Variants in DYNC2H1 observed in about 807,000 individuals in gnomAD.
DYNC2H1 encodes dynein cytoplasmic 2 heavy chain 1.
DYNC2H1 carries 410 observed loss-of-function variants against 570.0 expected under a neutral mutation model. The observed-to-expected ratio is 0.72, with a 90% CI of 0.66 to 0.78. The LOEUF is 0.78. Ranked by LOEUF, DYNC2H1 falls within the 30% of genes least tolerant of loss-of-function variation. The probability of loss-of-function intolerance (pLI) is 0.00; values close to 1 mark genes in which losing one functional copy is unlikely to be tolerated. For missense variants in DYNC2H1, 4,865 were observed against 5,046.4 expected (o/e 0.96, Z 1.09); for synonymous variants, 1,688 against 1,677.6 (o/e 1.01, Z -0.15).
rs1038900116 is a variant in DYNC2H1 at position 103,465,456 on chromosome 11, G to T, written c.12649-3133G>T. 4.1e-5 allele frequency among the ~76,000 whole-genome samples: 6 copies of T among 146,344 alleles called. No individual in the cohort carries two copies. The highest frequency in any genetic ancestry group is 2.2e-4 in the South Asian group (1 of 4,634). ...CAACCAGTATCCCAAAGTGTGTTTT[G>T]TTTTTTTTTTTAATCTGTGGCACAT... On this transcript the variant is annotated intron_variant, in intron 87 of 88. Coordinates refer to ENST00000375735, the MANE Select transcript of DYNC2H1 (RefSeq NM_001377.3). The surrounding 1 kb of genome is among the most constrained non-coding windows in gnomAD (Gnocchi z 4.9).
At chr11:103,316,074 TTAGTTA>T (rs1467766189) in intron 79 of DYNC2H1, among the ~76,000 whole-genome samples, 3 of 152,128 alleles carry the variant, frequency 2.0e-5, no homozygotes, top group South Asian at 2.1e-4. Context: ...ATTGTAGCTA[TTAGTTA>T]TAGTTATATA....
intron 84 of DYNC2H1, among the ~76,000 whole-genome samples, chr11:103,413,992 T>C (rs1341398011): frequency 6.6e-6 from 1 of 152,180 alleles, no homozygotes; most frequent in African/African-American, 2.4e-5. Flanking sequence ...AAGGACTTTA[T>C]GCCATGCTAA....
intron 84 of DYNC2H1, among the ~76,000 whole-genome samples, chr11:103,423,323 A>C (rs1045516720): frequency 1.3e-5 from 2 of 151,662 alleles, no homozygotes; most frequent in African/African-American, 4.8e-5. Context: ...GATTTTCACC[A>C]ATAGGCTAAG....
chr11:103,360,045 A>G (rs1258255798), intron 83 of DYNC2H1, among the ~76,000 whole-genome samples: 1 of 151,914 alleles, frequency 6.6e-6, no homozygotes, highest in Non-Finnish European at 1.5e-5. Flanking sequence ...CCCCCTAATT[A>G]CCTGATTCCT....
chr11:103,361,832 C>A (rs1371945056), intron 83 of DYNC2H1, among the ~76,000 whole-genome samples: 1 of 152,004 alleles, frequency 6.6e-6, no homozygotes, highest in Non-Finnish European at 1.5e-5. Context: ...CCATAGAAAC[C>A]TTGAGGAATC....
At chr11:103,424,045 T>C (rs180768246) in intron 84 of DYNC2H1, among the ~76,000 whole-genome samples, 45 of 152,084 alleles carry the variant, frequency 3.0e-4, no homozygotes, top group Admixed American at 2.9e-3. Context: ...CACAACATCA[T>C]TGAAAGAAAT....
intron 84 of DYNC2H1, among the ~76,000 whole-genome samples, chr11:103,427,749 C>T (rs1943724778): frequency 6.6e-6 from 1 of 152,102 alleles, no homozygotes; most frequent in South Asian, 2.1e-4. Flanking sequence ...GCTCCATTCT[C>T]ATGAGCTTAT....
chr11:103,257,494 A>G, intron 68 of DYNC2H1, 114 bp from the exon 69 acceptor site: 1 of 1,069,432 alleles, frequency 9.4e-7, no homozygotes, highest in Non-Finnish European at 1.2e-6. Flanking sequence ...GCATAGAAAA[A>G]GTAAGGTTTT....
chr11:103,424,364 G>C (rs1222486286), intron 84 of DYNC2H1, among the ~76,000 whole-genome samples: 1 of 152,078 alleles, frequency 6.6e-6, no homozygotes, highest in African/African-American at 2.4e-5. Flanking sequence ...ATATGGATCA[G>C]GAACAACTTG....
intron 11 of DYNC2H1, among the ~76,000 whole-genome samples, chr11:103,124,373 GA>G (rs1375625373): frequency 6.7e-6 from 1 of 150,214 alleles, no homozygotes; most frequent in Non-Finnish European, 1.5e-5. Context: ...TGAGCTCAGG[GA>G]GGTCAAGGCT....
intron 70 of DYNC2H1, among the ~76,000 whole-genome samples, chr11:103,278,359 C>T (rs1183040826): frequency 6.6e-6 from 1 of 152,110 alleles, no homozygotes; most frequent in East Asian, 1.9e-4. Context: ...AGGTACCATG[C>T]TAAGTGCTTC....
At chr11:103,343,759 AGT>A (rs1472215067) in intron 82 of DYNC2H1, among the ~76,000 whole-genome samples, 1 of 151,764 alleles carries the variant, frequency 6.6e-6, no homozygotes, top group Non-Finnish European at 1.5e-5. Flanking sequence ...TCCTCAAATG[AGT>A]GTTTTGAACT....
At chr11:103,191,022 A>G (rs938412648) in intron 45 of DYNC2H1, among the ~76,000 whole-genome samples, 2 of 124,600 alleles carry the variant, frequency 1.6e-5, no homozygotes, top group African/African-American at 6.2e-5. Context: ...ATATGTATAT[A>G]TATATATTTT....
chr11:103,171,481 C>T (rs1188353008), intron 34 of DYNC2H1, among the ~76,000 whole-genome samples: 1 of 152,132 alleles, frequency 6.6e-6, no homozygotes, highest in Non-Finnish European at 1.5e-5. Flanking sequence ...GTATTGAACT[C>T]CTGACCTCAG....
intron 83 of DYNC2H1, among the ~76,000 whole-genome samples, chr11:103,362,320 CTTTTTTTTTTTTCTTT>C (rs1308766797): frequency 1.4e-5 from 1 of 71,620 alleles, no homozygotes; most frequent in Non-Finnish European, 3.1e-5. Flanking sequence ...TAATTTTTTT[CTTTTTTTTTTTTCTTT>C]TTTTTTTTTT....
At position 103,128,912 on chromosome 11, in the gene DYNC2H1, G is replaced by A; in HGVS notation, c.1860G>A (p.Val620=). The part of the protein sequence containing the change: ...FCKQAIILKQ[V]AHFYNSIDQQ... ...CTAATTGGACTTTTACTTTGTAGGTGGCACATTTTTATAATTCTATTGATC... is the reference window on the plus strand; with the variant it reads ...CTAATTGGACTTTTACTTTGTAGGTAGCACATTTTTATAATTCTATTGATC... Residue 620 remains valine (V), a splice_region_variant and synonymous_variant, in exon 13 of 89, where the codon GTG becomes GTA. Coordinates refer to ENST00000375735, the MANE Select transcript of DYNC2H1 (RefSeq NM_001377.3). The A allele has an allele frequency of 1.3e-6, 2 of 1,578,396 alleles. No individual in the cohort carries two copies.
intron 58 of DYNC2H1, among the ~76,000 whole-genome samples, chr11:103,222,589 C>A (rs1022179287): frequency 2.6e-5 from 4 of 152,076 alleles, no homozygotes; most frequent in Admixed American, 2.6e-4. Context: ...ACACCAACTA[C>A]AATAGTTTTA....
In DYNC2H1 at chr11:103,269,356, C is replaced by G. The variant is rs572251710; in HGVS notation, c.10695+9379C>G. 2.2e-4 allele frequency among the ~76,000 whole-genome samples: 34 copies of G among 152,290 alleles called. No homozygotes were observed. In the East Asian group the frequency reaches 6.6e-3, roughly 29 times the overall value. On this transcript the variant is annotated intron_variant, in intron 70 of 88. Coordinates refer to ENST00000375735, the MANE Select transcript of DYNC2H1 (RefSeq NM_001377.3). The stretch of plus-strand genomic sequence containing the variant: ...TCTCAAATTTATCACTATAACCTTA[C>G]TTAGGATGGAACCAATTTTATATTT...
Position 103,204,737 on chromosome 11 carries a change from ATT to A in DYNC2H1, c.8312-83_8312-82del. The A allele has an allele frequency of 6.0e-6, 6 of 1,003,182 alleles. No homozygotes were observed. In the South Asian group the frequency reaches 1.1e-4, roughly 19 times the overall value. 62.1% of individuals were successfully genotyped at this position (1,003,182 alleles called of 1,614,324 possible). On this transcript the variant is annotated intron_variant, in intron 51 of 88. Coordinates refer to ENST00000375735, the MANE Select transcript of DYNC2H1 (RefSeq NM_001377.3). This position sits in a 1 kb window ranked among gnomAD's most constrained non-coding sequence, Gnocchi z 4.1. ...CTCGTTTTAAGAAACAACTCCTACT[ATT>A]TCATTTGAGAAAATTTTGATCTCTT...
Sources: gnomAD v4.1 joint callset for allele counts (sites outside exome capture counted in the v4.1 genomes callset) on GRCh38, gnomAD v4.1.1 for gene constraint, Gnocchi (gnomAD v3.1) non-coding constraint, MANE v1.5 for transcripts, NCBI Gene and HGNC (gene_info 2026-07-23, HGNC 2026-07-21) for gene names.